OS9: variants seen among roughly 807,000 people sequenced by gnomAD.
OS9 encodes protein OS-9.
OS9 carries 58 observed loss-of-function variants against 84.7 expected under a neutral mutation model. The observed-to-expected ratio is 0.68, with a 90% CI of 0.55 to 0.85. The LOEUF is 0.85. Among genes scored for constraint, OS9 ranks in the 40% least tolerant of loss-of-function variants. The pLI is 0.00. For missense variants in OS9, 760 were observed against 850.9 expected (o/e 0.89, Z 1.33); for synonymous variants, 278 against 320.8 (o/e 0.87, Z 1.43).
At chr12:57,701,262 ATTTTTTTTTTTTTT>A (rs556973162) in intron 5 of OS9, among the ~76,000 whole-genome samples, 5 of 71,474 alleles carry the variant, frequency 7.0e-5, no homozygotes, top group South Asian at 1.3e-3. Context: ...TGGTTGAGTG[ATTTTTTTTTTTTTT>A]TTTTTTTTTT....
chr12:57,707,916 C>A (rs1783865010), intron 5 of OS9, among the ~76,000 whole-genome samples: 1 of 149,338 alleles, frequency 6.7e-6, no homozygotes, highest in Non-Finnish European at 1.5e-5. Flanking sequence ...CACAGTGAGA[C>A]CCTGTCTCTA....
chr12:57,716,305 G>A (rs2140330407), intron 7 of OS9, 107 bp from the exon 8 acceptor site: 1 of 1,086,112 alleles, frequency 9.2e-7, no homozygotes, highest in Non-Finnish European at 1.4e-6. Flanking sequence ...AGTACCATGG[G>A]CCCTCCTCCC....
chr12:57,715,801 C>G lies in OS9; in HGVS notation c.621C>G (p.Ile207Met), dbSNP rs767995006. The change falls in exon 6 of 15, where the codon ATC (isoleucine) becomes ATG (methionine). Residue 207 changes from isoleucine (I) to methionine (M), a missense_variant. Transcript: ENST00000315970. ...DEGAGISGDY[I>M]DRVDEPLSCS... The stretch of plus-strand genomic sequence containing the variant: ...GTGCAGGTATCTCTGGGGACTACAT[C>G]GATCGCGTGGACGAGCCCTTGTCCT... The G allele has an allele frequency of 6.2e-7, 1 of 1,613,590 alleles. No individual in the cohort carries two copies. The highest frequency in any genetic ancestry group is 8.5e-7 in the Non-Finnish European group (1 of 1,179,750).
At chr12:57,716,588 TA>T in intron 8 of OS9, 76 bp downstream of exon 8, 1 of 1,494,348 alleles carries the variant, frequency 6.7e-7, no homozygotes, top group South Asian at 1.1e-5. Context: ...TGAGGTGACC[TA>T]CATCTACCTA....
intron 5 of OS9, among the ~76,000 whole-genome samples, chr12:57,703,591 A>G (rs1954083378): frequency 2.0e-5 from 3 of 152,166 alleles, no homozygotes; most frequent in Admixed American, 6.5e-5. Flanking sequence ...TGGCCTTTCT[A>G]TACTATTCCA....
In OS9 at chr12:57,716,439, A is replaced by G; in HGVS notation, c.920A>G (p.Lys307Arg). ...GCGAGCCCGACCAAGGATGACAGTA[A>G]GGACTCAGATTTCTGGAAGATGCTT... ...AGASPTKDDS[K>R]DSDFWKMLNE... Residue 307 changes from lysine (K) to arginine (R), a missense_variant, in exon 8 of 15, where the codon AAG becomes AGG. Coordinates refer to ENST00000315970, the MANE Select transcript of OS9 (RefSeq NM_006812.4). The G allele has an allele frequency of 1.9e-6, 3 of 1,565,084 alleles. No homozygotes were observed. The highest frequency in any genetic ancestry group is 1.7e-6 in the Non-Finnish European group (2 of 1,153,942).
intron 9 of OS9, among the ~76,000 whole-genome samples, chr12:57,717,605 C>T (rs1415343025): frequency 1.4e-4 from 21 of 151,982 alleles, no homozygotes; most frequent in Admixed American, 1.4e-3. Context: ...CAAACCTGGC[C>T]AACATGGTGA....
intron 7 of OS9, 103 bp from the exon 8 acceptor site, chr12:57,716,309 T>A: frequency 9.7e-7 from 1 of 1,035,404 alleles, no homozygotes; most frequent in Non-Finnish European, 1.5e-6. Context: ...CCATGGGCCC[T>A]CCTCCCTTGG....
At chr12:57,695,015 G>A in intron 2 of OS9, 89 bp downstream of exon 2, 2 of 1,199,202 alleles carry the variant, frequency 1.7e-6, no homozygotes, top group Non-Finnish European at 2.5e-6. Context: ...CAGGATCTAG[G>A]GGACCTGTAG....
At chr12:57,708,752 A>C (rs547039135) in intron 5 of OS9, among the ~76,000 whole-genome samples, 1 of 152,300 alleles carries the variant, frequency 6.6e-6, no homozygotes, top group East Asian at 1.9e-4. Flanking sequence ...ATCTTTTATT[A>C]ACACACAAGT....
intron 14 of OS9, 70 bp downstream of exon 14, chr12:57,720,588 C>G: frequency 7.5e-7 from 1 of 1,327,950 alleles, no homozygotes; most frequent in Non-Finnish European, 1.1e-6. Context: ...TTGCCCCAGC[C>G]ACGCCATTGC....
In OS9 at chr12:57,720,958, T is replaced by C; in HGVS notation, c.*49T>C. The C allele has an allele frequency of 6.2e-7, 1 of 1,610,354 alleles. No individual in the cohort carries two copies. The highest frequency in any genetic ancestry group is 8.5e-7 in the Non-Finnish European group (1 of 1,177,342). On this transcript the variant is annotated 3_prime_UTR_variant, in exon 15 of 15. Coordinates refer to ENST00000315970, the MANE Select transcript of OS9 (RefSeq NM_006812.4). Reference sequence around the variant, plus strand: ...CACGGAATCCAGACTCTTCCTGGACTGGCTTGCCTCCTCCCCACCTCCCCA... The same window carrying C: ...CACGGAATCCAGACTCTTCCTGGACCGGCTTGCCTCCTCCCCACCTCCCCA...
In OS9 at chr12:57,721,172, T is replaced by C. The variant is rs1333580150; in HGVS notation, c.*263T>C. ...ATCCTCTTCCTCTCCTCTGTGGCTTTTCCTGTTATTGTCCCCTAATGATAG... is the reference window on the plus strand; with the variant it reads ...ATCCTCTTCCTCTCCTCTGTGGCTTCTCCTGTTATTGTCCCCTAATGATAG... On this transcript the variant is annotated 3_prime_UTR_variant, in exon 15 of 15. Coordinates refer to ENST00000315970, the MANE Select transcript of OS9 (RefSeq NM_006812.4). 5 of 412,132 alleles carry C rather than the reference T, an allele frequency of 1.2e-5. No individual in the cohort carries two copies. The highest frequency in any genetic ancestry group is 4.5e-6 in the Non-Finnish European group (1 of 222,742). 25.5% of individuals were successfully genotyped at this position (412,132 alleles called of 1,614,324 possible).
rs761556815 is a variant in OS9, at chr12:57,694,142, C to T, written c.-20C>T. 2.5e-6 allele frequency: 4 copies of T among 1,613,984 alleles called. No individual in the cohort carries two copies. The highest frequency in any genetic ancestry group is 3.4e-6 in the Non-Finnish European group (4 of 1,179,886). On this transcript the variant is annotated 5_prime_UTR_variant, in exon 1 of 15. Transcript: ENST00000315970. ...GCTTAGGGCGGAAACAGATTCTCTG[C>T]ATAAGAAGGGGAACGAAAGATGGCG...
At chr12:57,709,809 A>G (rs10877008) in intron 5 of OS9, among the ~76,000 whole-genome samples, 91,094 of 151,944 alleles carry the variant, frequency 0.6, 27,910 homozygotes, top group Middle Eastern at 0.7. Context: ...GAAATGAACC[A>G]AATGTGGTCA....
chr12:57,705,878 T>C lies in OS9; in HGVS notation c.579+9505T>C, dbSNP rs117112274. The stretch of plus-strand genomic sequence containing the variant: ...ACATGGTCACATTATTGGTTTTACA[T>C]ATTGATCTTACACTCAGCAACTCTT... On this transcript the variant is annotated intron_variant, in intron 5 of 14. Coordinates refer to ENST00000315970, the MANE Select transcript of OS9 (RefSeq NM_006812.4). Among the ~76,000 whole-genome samples, 11 of 152,342 alleles carry C rather than the reference T, an allele frequency of 7.2e-5. No homozygotes were observed. In the East Asian group the frequency reaches 1.9e-3, roughly 27 times the overall value.
At position 57,696,463 on chromosome 12, in the gene OS9, CGG is replaced by C. The variant is rs869110477; in HGVS notation, c.579+97_579+98del. 1.2e-4 allele frequency: 8 copies of C among 64,718 alleles called. 1 individual carries two copies. Among genetic ancestry groups the C allele is most frequent in the Admixed American group, 2.0e-4 (1 of 4,992 alleles). 4.0% of individuals were successfully genotyped at this position (64,718 alleles called of 1,614,324 possible). ...TTGCATCTTATAGTCGGGGCGGGGG[CGG>C]GGGGGGTCCCCTCCCAGACCCTAAA... is the stretch of plus-strand genomic sequence containing the variant. On this transcript the variant is annotated intron_variant, in intron 5 of 14. Transcript: ENST00000315970.
intron 5 of OS9, among the ~76,000 whole-genome samples, chr12:57,703,410 A>C (rs149377260): frequency 1.2e-3 from 177 of 152,028 alleles, no homozygotes; most frequent in South Asian, 1.9e-3. Context: ...GCTGATTTTG[A>C]GTTAATTTTT....
At chr12:57,706,161 A>T (rs1317893218) in intron 5 of OS9, among the ~76,000 whole-genome samples, 1 of 152,212 alleles carries the variant, frequency 6.6e-6, no homozygotes, top group African/African-American at 2.4e-5. Flanking sequence ...ACCTTTTATC[A>T]GGTATGTGAA....
Sources: gnomAD v4.1 joint callset for allele counts (sites outside exome capture counted in the v4.1 genomes callset) on GRCh38, gnomAD v4.1.1 for gene constraint, MANE v1.5 for transcripts, NCBI Gene and HGNC (gene_info 2026-07-23, HGNC 2026-07-21) for gene names.